The following HACD2 variants were observed in gnomAD, a reference collection of about 807,000 sequenced individuals.
HACD2 encodes 3-hydroxyacyl-CoA dehydratase 2, also known as very-long-chain (3R)-3-hydroxyacyl-CoA dehydratase 2.
HACD2 carries 15 observed loss-of-function variants against 31.0 expected under a neutral mutation model. That is an observed-to-expected ratio of 0.48 (90% CI 0.32 to 0.75). The LOEUF is 0.75. Ranked by LOEUF, HACD2 falls within the 30% of genes least tolerant of loss-of-function variation. HACD2 has a pLI of 0.03. For synonymous variants in HACD2, 115 were observed against 122.2 expected (o/e 0.94, Z 0.39); for missense variants, 283 against 313.0 (o/e 0.90, Z 0.72).
At chr3:123,567,741 G>T in intron 3 of HACD2, 21 bp downstream of exon 3, 1 of 1,426,980 alleles carries the variant, frequency 7.0e-7, no homozygotes, top group African/African-American at 1.5e-5. Context: ...GTACATAGTA[G>T]GGGGGAATAT....
chr3:123,508,343 G>A (rs899956373), intron 4 of HACD2, among the ~76,000 whole-genome samples: 4 of 152,190 alleles, frequency 2.6e-5, no homozygotes, highest in African/African-American at 7.2e-5. Flanking sequence ...GGGAGGAGGC[G>A]GCTGGGTGTA....
At chr3:123,508,986 T>A (rs899038211) in intron 4 of HACD2, among the ~76,000 whole-genome samples, 3 of 152,162 alleles carry the variant, frequency 2.0e-5, no homozygotes, top group Non-Finnish European at 4.4e-5. Flanking sequence ...CACCTCCGCA[T>A]GACCTCATCT....
intron 4 of HACD2, among the ~76,000 whole-genome samples, chr3:123,517,370 C>G (rs889452551): frequency 1.3e-5 from 2 of 152,168 alleles, no homozygotes; most frequent in Admixed American, 6.5e-5. Context: ...CTCCAAAAAG[C>G]GTGTTACTAA....
chr3:123,560,275 T>C (rs765452080), intron 3 of HACD2, among the ~76,000 whole-genome samples: 71 of 152,136 alleles, frequency 4.7e-4, no homozygotes, highest in Non-Finnish European at 9.4e-4. Flanking sequence ...CTTAACTGAT[T>C]TGGGAAAGAT....
chr3:123,575,199 T>A (rs967918704), intron 2 of HACD2, among the ~76,000 whole-genome samples: 1 of 151,824 alleles, frequency 6.6e-6, no homozygotes, highest in African/African-American at 2.4e-5. Flanking sequence ...AGCCTGAAAC[T>A]CCTGGGCTCA....
intron 4 of HACD2, among the ~76,000 whole-genome samples, chr3:123,525,108 G>C (rs1430907032): frequency 6.6e-6 from 1 of 152,196 alleles, no homozygotes; most frequent in Non-Finnish European, 1.5e-5. Context: ...CTGCTGAAAA[G>C]TTGGTGAGAA....
chr3:123,517,910 G>GAATCAGTTTTTAAAAATTA (rs1559906899), intron 4 of HACD2, among the ~76,000 whole-genome samples: 1,440 of 61,534 alleles, frequency 0.023, 657 homozygotes, highest in South Asian at 0.042. Flanking sequence ...AAAAATATTT[G>GAATCAGTTTTTAAAAATTA]GGCCGGGCGC....
At chr3:123,516,670 T>C (rs1337604710) in intron 4 of HACD2, among the ~76,000 whole-genome samples, 1 of 152,220 alleles carries the variant, frequency 6.6e-6, no homozygotes, top group Non-Finnish European at 1.5e-5. Flanking sequence ...AAAACAACTC[T>C]TGGTCACAAA....
chr3:123,583,643 C>T (rs2056989254), intron 1 of HACD2, among the ~76,000 whole-genome samples: 2 of 151,964 alleles, frequency 1.3e-5, no homozygotes, highest in Admixed American at 1.3e-4. Flanking sequence ...GATCCTCCCA[C>T]GATATATTTT....
At chr3:123,580,681 G>A (rs184793885) in intron 2 of HACD2, among the ~76,000 whole-genome samples, 3 of 151,596 alleles carry the variant, frequency 2.0e-5, no homozygotes, top group East Asian at 4.0e-4. Flanking sequence ...TACTCTGCAA[G>A]CTGAGGTGGG....
At chr3:123,500,486 A>T (rs768198067) in intron 6 of HACD2, 29 bp downstream of exon 6, 10 of 1,467,174 alleles carry the variant, frequency 6.8e-6, no homozygotes, top group Admixed American at 6.1e-5. Context: ...TTAAAACATA[A>T]TTAAATATAC....
intron 4 of HACD2, among the ~76,000 whole-genome samples, chr3:123,515,804 G>A (rs1390307749): frequency 6.6e-6 from 1 of 151,888 alleles, no homozygotes; most frequent in Non-Finnish European, 1.5e-5. Flanking sequence ...CACCCAGGCT[G>A]CAGTGCAGTG....
intron 3 of HACD2, among the ~76,000 whole-genome samples, chr3:123,566,756 GCATGGTGGCGCACGCCTGTAATCC>G (rs1215650298): frequency 1.3e-5 from 2 of 152,096 alleles, no homozygotes; most frequent in Non-Finnish European, 2.9e-5. Context: ...AATTAGCCAG[GCATGGTGGCGCACGCCTGTAATCC>G]CAGCTACTCA....
intron 3 of HACD2, among the ~76,000 whole-genome samples, chr3:123,559,527 T>C (rs1377845748): frequency 2.0e-5 from 3 of 152,206 alleles, no homozygotes; most frequent in Non-Finnish European, 4.4e-5. Context: ...TAAGGAATGA[T>C]AGAGATCATC....
intron 4 of HACD2, among the ~76,000 whole-genome samples, chr3:123,527,931 C>T (rs141342803): frequency 2.5e-3 from 381 of 152,200 alleles, no homozygotes; most frequent in African/African-American, 8.5e-3. Flanking sequence ...AATGTATTCC[C>T]CTTGGATAAG....
chr3:123,549,210 C>A (rs991881286), intron 3 of HACD2, among the ~76,000 whole-genome samples: 2 of 151,900 alleles, frequency 1.3e-5, no homozygotes, highest in Non-Finnish European at 2.9e-5. Flanking sequence ...ACAATATATT[C>A]CACCTCCAAA....
intron 3 of HACD2, among the ~76,000 whole-genome samples, chr3:123,562,365 G>A (rs1027786325): frequency 1.3e-5 from 2 of 152,140 alleles, no homozygotes; most frequent in Non-Finnish European, 2.9e-5. Context: ...TGTCACAACC[G>A]TGAGCAAGAC....
At chr3:123,567,150 C>T (rs1449225155) in intron 3 of HACD2, among the ~76,000 whole-genome samples, 1 of 152,160 alleles carries the variant, frequency 6.6e-6, no homozygotes, top group Non-Finnish European at 1.5e-5. Flanking sequence ...CTTTCCAAGA[C>T]TGGATTTTAT....
At chr3:123,558,347 T>C (rs998978899) in intron 3 of HACD2, among the ~76,000 whole-genome samples, 4 of 152,172 alleles carry the variant, frequency 2.6e-5, no homozygotes, top group African/African-American at 9.7e-5. Flanking sequence ...ATTAGATATA[T>C]GTCATTATAA....
Sources: gnomAD v4.1 joint callset for allele counts (sites outside exome capture counted in the v4.1 genomes callset) on GRCh38, gnomAD v4.1.1 for gene constraint, MANE v1.5 for transcripts, NCBI Gene and HGNC (gene_info 2026-07-23, HGNC 2026-07-21) for gene names.